The following SCFD2 variants were observed in gnomAD, a reference collection of about 807,000 sequenced individuals.
The protein encoded by SCFD2 is sec1 family domain containing 2.
A neutral mutation model predicts 58.9 loss-of-function variants in SCFD2; 54 were observed. The observed-to-expected ratio is 0.92, with a 90% CI of 0.74 to 1.15. The LOEUF is 1.15. Among genes scored for constraint, SCFD2 ranks in the 50% most tolerant of loss-of-function variants. The pLI is 0.00. For synonymous variants in SCFD2, 321 were observed against 335.9 expected (o/e 0.96, Z 0.49); for missense variants, 805 against 836.6 (o/e 0.96, Z 0.47).
chr4:53,026,085 C>T lies in SCFD2; in HGVS notation c.1562-105215G>A, dbSNP rs1399231346. On this transcript the variant is annotated intron_variant, in intron 5 of 8. Transcript: ENST00000401642. ...TAAGCTATCACCACCAGAAAAACAA[C>T]AACAACAACAAAATAAGACACAGAA... 8.6e-5 allele frequency among the ~76,000 whole-genome samples: 13 copies of T among 151,662 alleles called. 1 individual carries two copies. Among genetic ancestry groups the T allele is most frequent in the South Asian group, 4.2e-4 (2 of 4,806 alleles).
At chr4:53,257,844 C>A (rs1041891480) in intron 4 of SCFD2, among the ~76,000 whole-genome samples, 2 of 151,798 alleles carry the variant, frequency 1.3e-5, no homozygotes, top group Non-Finnish European at 2.9e-5. Context: ...CCAATACAAT[C>A]TTTTCTGCAT....
chr4:53,281,109 C>A (rs1037015781), intron 3 of SCFD2, among the ~76,000 whole-genome samples: 7 of 152,202 alleles, frequency 4.6e-5, no homozygotes, highest in Non-Finnish European at 8.8e-5. Context: ...TTGCATTTTG[C>A]TTTTGACTTC....
intron 4 of SCFD2, among the ~76,000 whole-genome samples, chr4:53,245,037 C>A (rs1577888337): frequency 2.0e-5 from 3 of 152,070 alleles, no homozygotes; most frequent in Admixed American, 2.0e-4. Context: ...GACACATACA[C>A]CCTCCCAAGA....
intron 7 of SCFD2, among the ~76,000 whole-genome samples, chr4:52,897,969 G>A (rs535666066): frequency 1.3e-5 from 2 of 152,130 alleles, no homozygotes; most frequent in Admixed American, 6.5e-5. Flanking sequence ...TTCTCTGATG[G>A]TAGTTTGTAT....
At chr4:53,348,385 G>A (rs1185278480) in intron 2 of SCFD2, among the ~76,000 whole-genome samples, 5 of 152,100 alleles carry the variant, frequency 3.3e-5, no homozygotes, top group Admixed American at 2.6e-4. Flanking sequence ...ATTTCATTGA[G>A]AAGTTTCTGG....
intron 2 of SCFD2, among the ~76,000 whole-genome samples, chr4:53,322,519 AAACATTTTTTATTCCT>A (rs1327121947): frequency 1.3e-5 from 2 of 152,342 alleles, no homozygotes; most frequent in Admixed American, 6.5e-5. Flanking sequence ...ATCTCAGTAT[AAACATTTTTTATTCCT>A]ACTCTCTATC....
chr4:53,181,340 G>A (rs1281212993), intron 4 of SCFD2, among the ~76,000 whole-genome samples: 1 of 152,168 alleles, frequency 6.6e-6, no homozygotes, highest in Non-Finnish European at 1.5e-5. Context: ...GGGATGCAAG[G>A]CTGGTTCAAC....
At chr4:52,899,409 A>C (rs1358062147) in intron 7 of SCFD2, among the ~76,000 whole-genome samples, 3 of 152,104 alleles carry the variant, frequency 2.0e-5, no homozygotes. Context: ...TCACTTATGA[A>C]GCTTAGTTTG....
intron 7 of SCFD2, among the ~76,000 whole-genome samples, chr4:52,905,399 C>A (rs1033644986): frequency 1.3e-5 from 2 of 152,202 alleles, no homozygotes; most frequent in Non-Finnish European, 2.9e-5. Context: ...AGAAACCAAA[C>A]AAAATGGCTC....
chr4:53,130,417 C>A (rs993566041), intron 5 of SCFD2, among the ~76,000 whole-genome samples: 1 of 152,094 alleles, frequency 6.6e-6, no homozygotes, highest in Non-Finnish European at 1.5e-5. Context: ...AGATATAAAC[C>A]TGGTTCTTTA....
intron 1 of SCFD2, among the ~76,000 whole-genome samples, chr4:53,362,195 A>T (rs1734565586): frequency 6.6e-6 from 1 of 152,130 alleles, no homozygotes; most frequent in South Asian, 2.1e-4. Context: ...GGAGAAAGCC[A>T]TATGGATACC....
At chr4:53,143,017 T>G (rs575308411) in intron 5 of SCFD2, among the ~76,000 whole-genome samples, 1 of 152,356 alleles carries the variant, frequency 6.6e-6, no homozygotes, top group South Asian at 2.1e-4. Flanking sequence ...AAATTCTTAA[T>G]TTTTAATCTT....
chr4:52,975,877 C>T (rs1370370399), intron 5 of SCFD2, among the ~76,000 whole-genome samples: 2 of 151,926 alleles, frequency 1.3e-5, no homozygotes, highest in African/African-American at 4.8e-5. Flanking sequence ...TTTGTAGGGA[C>T]ACGGATGAAG....
chr4:52,954,673 GTAAAT>G (rs1206106592), intron 5 of SCFD2, among the ~76,000 whole-genome samples: 1 of 152,134 alleles, frequency 6.6e-6, no homozygotes, highest in Non-Finnish European at 1.5e-5. Flanking sequence ...CCAGAGAAAA[GTAAAT>G]AAAATAACCA....
chr4:52,892,468 C>T (rs570547567), intron 7 of SCFD2, among the ~76,000 whole-genome samples: 1 of 152,340 alleles, frequency 6.6e-6, no homozygotes, highest in Non-Finnish European at 1.5e-5. Flanking sequence ...AACTCCAGCC[C>T]TCTGGGATCT....
chr4:52,959,098 A>T (rs971349967), intron 5 of SCFD2, among the ~76,000 whole-genome samples: 1 of 152,232 alleles, frequency 6.6e-6, no homozygotes, highest in Admixed American at 6.5e-5. Context: ...GAATCCAGAA[A>T]GTCTGACTCT....
intron 5 of SCFD2, among the ~76,000 whole-genome samples, chr4:52,966,347 G>C (rs1720962479): frequency 6.6e-6 from 1 of 152,200 alleles, no homozygotes; most frequent in Non-Finnish European, 1.5e-5. Context: ...CAGGTCACTT[G>C]ATGACCTGAG....
intron 5 of SCFD2, among the ~76,000 whole-genome samples, chr4:53,105,490 C>A (rs1240764569): frequency 6.6e-6 from 1 of 152,168 alleles, no homozygotes; most frequent in African/African-American, 2.4e-5. Context: ...GGACCCTCGA[C>A]CTTGGTCGGG....
At chr4:53,136,746 A>G (rs192874821) in intron 5 of SCFD2, among the ~76,000 whole-genome samples, 3 of 152,346 alleles carry the variant, frequency 2.0e-5, no homozygotes, top group Admixed American at 2.0e-4. Flanking sequence ...AGTCAAAACC[A>G]GAACCCAGAT....
Sources: allele counts gnomAD v4.1 joint callset (sites outside exome capture counted in the v4.1 genomes callset), GRCh38; gene constraint gnomAD v4.1.1; transcripts MANE v1.5; gene names NCBI Gene and HGNC (gene_info 2026-07-23, HGNC 2026-07-21).